The following NUTM1 variants were observed in gnomAD, a reference collection of about 807,000 sequenced individuals.
NUTM1 encodes NUT family member 1.
In NUTM1, 39 loss-of-function variants were observed where a neutral mutation model predicts 88.7. That is an observed-to-expected ratio of 0.44 (90% CI 0.34 to 0.57). The LOEUF (loss-of-function observed/expected upper bound fraction) is 0.57, where lower values mean the gene tolerates loss of function less well. Ranked by LOEUF, NUTM1 falls within the 20% of genes least tolerant of loss-of-function variation. The pLI, the probability that NUTM1 is intolerant of heterozygous loss-of-function variation, is 0.01. For synonymous variants in NUTM1, 494 were observed against 538.0 expected, an observed-to-expected ratio of 0.92 and a Z score of 1.13; for missense variants, 1,350 against 1,414.5, an observed-to-expected ratio of 0.95 and a Z score of 0.73.
chr15:34,345,772 G>A, intron 1 of NUTM1, 170 bp from the exon 2 acceptor site: 3 of 884,228 alleles, frequency 3.4e-6, no homozygotes, highest in Non-Finnish European at 4.9e-6. Flanking sequence ...GGGAATTCCT[G>A]GTTTTTTCAT....
chr15:34,344,584 A>G (rs1351458889), intron 1 of NUTM1, among the ~76,000 whole-genome samples: 1 of 152,128 alleles, frequency 6.6e-6, no homozygotes, highest in Non-Finnish European at 1.5e-5. Context: ...TTCACAAGAA[A>G]CAGATGATAC....
chr15:34,353,987 AGAGT>A, intron 5 of NUTM1, 115 bp downstream of exon 5: 1 of 1,221,574 alleles, frequency 8.2e-7, no homozygotes, highest in Non-Finnish European at 1.1e-6. Flanking sequence ...TTCCCTCTGG[AGAGT>A]GGCATTTGAT....
At chr15:34,345,795 C>A in intron 1 of NUTM1, 147 bp from the exon 2 acceptor site, 1 of 1,133,112 alleles carries the variant, frequency 8.8e-7, no homozygotes, top group Non-Finnish European at 1.2e-6. Flanking sequence ...TTACTAGAAC[C>A]CTTCATGGAA....
chr15:34,355,526 A>G lies in NUTM1; in HGVS notation c.1518A>G (p.Glu506=). 6.2e-7 allele frequency: 1 copy of G among 1,614,130 alleles called. No homozygotes were observed. The highest frequency in any genetic ancestry group is 8.5e-7 in the Non-Finnish European group (1 of 1,179,974). Reference sequence around the variant, plus strand: ...GACTCATGGCCTTGGAAGAGGAGGAAGATGCAGAGGCGCCTCCAAGTTTCA... The same window carrying G: ...GACTCATGGCCTTGGAAGAGGAGGAGGATGCAGAGGCGCCTCCAAGTTTCA... ...QKRLMALEEE[E]DAEAPPSFSG... The change falls in exon 8 of 8, where the codon GAA becomes GAG. Residue 506 remains glutamate (E), a synonymous_variant. Coordinates refer to ENST00000537011, the MANE Select transcript of NUTM1 (RefSeq NM_001284292.2). The surrounding 1 kb of genome is among the most constrained non-coding windows in gnomAD (Gnocchi z 4.3).
chr15:34,351,183 A>G (rs950531102), intron 4 of NUTM1, among the ~76,000 whole-genome samples: 1 of 126,872 alleles, frequency 7.9e-6, no homozygotes, highest in Non-Finnish European at 1.6e-5. Flanking sequence ...AGCCAAGATC[A>G]TGCCTCTGCA....
At position 34,348,253 on chromosome 15, in the gene NUTM1, C is replaced by G. The variant is rs931115519; in HGVS notation, c.385C>G (p.Pro129Ala). 1.2e-6 allele frequency: 2 copies of G among 1,614,126 alleles called. No individual in the cohort carries two copies. The highest frequency in any genetic ancestry group is 1.7e-6 in the Non-Finnish European group (2 of 1,180,036). Reference sequence around the variant, plus strand: ...CAAGACAGAAGGGGGGTCAGCTGAGCCCTCTCAAACTCAGAACTTTATCCT... The same window carrying G: ...CAAGACAGAAGGGGGGTCAGCTGAGGCCTCTCAAACTCAGAACTTTATCCT... ...KVKTEGGSAE[P>A]SQTQNFILTQ... Residue 129 changes from proline to alanine, a missense_variant, in exon 3 of 8, where the codon CCC (proline) becomes GCC (alanine). Pro to Ala is a conservative substitution (Grantham distance 27). Transcript: ENST00000537011.
At chr15:34,344,799 A>G (rs1292257058) in intron 1 of NUTM1, among the ~76,000 whole-genome samples, 1 of 152,106 alleles carries the variant, frequency 6.6e-6, no homozygotes, top group African/African-American at 2.4e-5. Flanking sequence ...CGGGCGGATC[A>G]TGAGGTCAGG....
chr15:34,347,761 G>A (rs111781966), intron 2 of NUTM1, among the ~76,000 whole-genome samples: 2,244 of 152,180 alleles, frequency 0.015, 58 homozygotes, highest in African/African-American at 0.051. Flanking sequence ...GCTGAGGCAG[G>A]AGAATGGCAT....
At chr15:34,350,894 GCAGAGAGA>G in intron 4 of NUTM1, 62 bp downstream of exon 4, 1 of 1,596,128 alleles carries the variant, frequency 6.3e-7, no homozygotes, top group East Asian at 2.2e-5. Flanking sequence ...AGTAAGGGCC[GCAGAGAGA>G]CTTGTGTGGG....
Position 34,350,960 on chromosome 15 carries a change from T to A in NUTM1, c.938+128T>A, listed in dbSNP as rs1890695437. Reference sequence around the variant, plus strand: ...AGGATGGGGCGCAGCGGCTCACGCCTGTAATCCCACCACTTTGGGAGGCCA... The same window carrying A: ...AGGATGGGGCGCAGCGGCTCACGCCAGTAATCCCACCACTTTGGGAGGCCA... On this transcript the variant is annotated intron_variant, in intron 4 of 7. Transcript: ENST00000537011. The A allele has an allele frequency of 3.3e-6, 4 of 1,194,846 alleles. No individual in the cohort carries two copies. In the South Asian group the frequency reaches 5.6e-5, roughly 17 times the overall value. The allele number at this position is 1,194,846 out of a possible 1,614,324, so 74.0% of individuals were successfully genotyped here.
At chr15:34,347,938 C>A in intron 2 of NUTM1, 31 bp from the exon 3 acceptor site, 1 of 1,398,758 alleles carries the variant, frequency 7.1e-7, no homozygotes, top group Non-Finnish European at 9.9e-7. Flanking sequence ...TTTTCTCCTA[C>A]TCCATTTCTT....
At position 34,356,359 on chromosome 15, in the gene NUTM1, A is replaced by G. The variant is rs889666391; in HGVS notation, c.2351A>G (p.Gln784Arg). Residue 784 changes from glutamine to arginine, a missense_variant, in exon 8 of 8, where the codon CAG (glutamine) becomes CGG (arginine). Gln to Arg is a conservative substitution (Grantham distance 43, BLOSUM62 1). Around this residue, in one of 5 missense-constraint regions of NUTM1, gnomAD observed 730 missense variants for 728.8 expected, o/e 1.00. Transcript: ENST00000537011. The stretch of plus-strand genomic sequence containing the variant: ...GTTGAGAAGTGTGTAACTGAGTATC[A>G]GGAAGGCTGCCAGGGACTGGGCTCC... ...FQVEKCVTEY[Q>R]EGCQGLGSRG... 6.2e-7 allele frequency: 1 copy of G among 1,613,852 alleles called. No individual in the cohort carries two copies. Among genetic ancestry groups the G allele is most frequent in the Non-Finnish European group, 8.5e-7 (1 of 1,179,934 alleles).
rs1206645783 is a variant in NUTM1 at position 34,348,352 on chromosome 15, G to A, written c.484G>A (p.Val162Met). 3.7e-6 allele frequency: 6 copies of A among 1,614,132 alleles called. No homozygotes were observed. The Admixed American group carries it at 1.0e-4, about 27-fold the overall frequency. Residue 162 changes from valine to methionine, a missense_variant, in exon 3 of 8, where the codon GTG becomes ATG. This residue lies in a region of NUTM1 where 399 missense variants were observed against 397.9 expected (regional missense o/e 1.00). Coordinates refer to ENST00000537011, the MANE Select transcript of NUTM1 (RefSeq NM_001284292.2). ...GGLEGPAPPF[V>M]TASNVKTILP... is the part of the protein sequence containing the mutation. ...CCTTGAGGGTCCTGCACCTCCATTT[G>A]TGACAGCATCTAATGTGAAGACCAT...
Position 34,356,718 on chromosome 15 carries a change from T to C in NUTM1, c.2710T>C (p.Ser904Pro). ...LLIMGTEDAS[S>P]LPEASQEAGS... ...TATCATGGGGACTGAGGATGCCTCC[T>C]CCTTGCCTGAAGCCAGTCAAGAGGC... Residue 904 changes from serine to proline, a missense_variant, in exon 8 of 8, where the codon TCC becomes CCC. Around this residue, in one of 5 missense-constraint regions of NUTM1, gnomAD observed 730 missense variants for 728.8 expected, o/e 1.00. Coordinates refer to ENST00000537011, the MANE Select transcript of NUTM1 (RefSeq NM_001284292.2). 6.2e-7 allele frequency: 1 copy of C among 1,613,552 alleles called. No individual in the cohort carries two copies. The highest frequency in any genetic ancestry group is 8.5e-7 in the Non-Finnish European group (1 of 1,179,906).
At chr15:34,347,029 A>G (rs1458778302) in intron 2 of NUTM1, among the ~76,000 whole-genome samples, 6 of 152,128 alleles carry the variant, frequency 3.9e-5, no homozygotes, top group Admixed American at 3.9e-4. Flanking sequence ...AGTAAGATCA[A>G]AATCACTTGG....
In NUTM1 at chr15:34,343,414, ATT is replaced by A; in HGVS notation, c.-281_-280del. The A allele has an allele frequency of 1.6e-6, 1 of 631,606 alleles. No individual in the cohort carries two copies. Among genetic ancestry groups the A allele is most frequent in the Non-Finnish European group, 2.7e-6 (1 of 366,572 alleles). The allele number at this position is 631,606 out of a possible 1,614,324, so 39.1% of individuals were successfully genotyped here. ...TGTCTTTGTCTCAAGATACACACCCATTTCAGGAGCAGTGAGTTTTCAATGCC... is the reference window on the plus strand; with the variant it reads ...TGTCTTTGTCTCAAGATACACACCCATCAGGAGCAGTGAGTTTTCAATGCC... On this transcript the variant is annotated 5_prime_UTR_variant, in exon 1 of 8. An upstream open reading frame in the 5' UTR loses its in-frame stop. Coordinates refer to ENST00000537011, the MANE Select transcript of NUTM1 (RefSeq NM_001284292.2).
At chr15:34,350,964 A>C (rs1890695527) in intron 4 of NUTM1, 132 bp downstream of exon 4, 1 of 1,155,210 alleles carries the variant, frequency 8.7e-7, no homozygotes. Flanking sequence ...CACGCCTGTA[A>C]TCCCACCACT....
chr15:34,344,308 C>T (rs1005846427), intron 1 of NUTM1, among the ~76,000 whole-genome samples: 3 of 150,968 alleles, frequency 2.0e-5, no homozygotes, highest in Middle Eastern at 3.4e-3. Flanking sequence ...GTCAGGAGTT[C>T]GAGACCAGCC....
rs1171358765 is a variant in NUTM1 at position 34,348,480 on chromosome 15, A to T, written c.612A>T (p.Glu204Asp). ...AACTGGTCCCCATTGTGCCCCTGGAAAAAGCTTGGCCAGGGCCACATGGGA... is the reference window on the plus strand; with the variant it reads ...AACTGGTCCCCATTGTGCCCCTGGATAAAGCTTGGCCAGGGCCACATGGGA... ...VAQLVPIVPL[E>D]KAWPGPHGTT... The change falls in exon 3 of 8, where the codon GAA becomes GAT. Residue 204 changes from glutamate (E) to aspartate (D), a missense_variant. Physicochemically the swap from Glu to Asp is conservative, Grantham distance 45. Coordinates refer to ENST00000537011, the MANE Select transcript of NUTM1 (RefSeq NM_001284292.2). 1.2e-6 allele frequency: 2 copies of T among 1,614,040 alleles called. No individual in the cohort carries two copies. The highest frequency in any genetic ancestry group is 1.7e-6 in the Non-Finnish European group (2 of 1,179,992).
Sources: gnomAD v4.1 joint callset for allele counts (sites outside exome capture counted in the v4.1 genomes callset) on GRCh38, gnomAD v4.1.1 for gene constraint, gnomAD v4.1.1 regional missense constraint, Gnocchi (gnomAD v3.1) non-coding constraint, MANE v1.5 for transcripts, NCBI Gene and HGNC (gene_info 2026-07-23, HGNC 2026-07-21) for gene names.